PLCB1: variants seen among roughly 807,000 people sequenced by gnomAD.
The protein encoded by PLCB1 is phospholipase C beta 1, also known as 1-phosphatidylinositol 4,5-bisphosphate phosphodiesterase beta-1.
A neutral mutation model predicts 161.8 loss-of-function variants in PLCB1; 46 were observed. The observed-to-expected ratio is 0.28, with a 90% CI of 0.22 to 0.36. The LOEUF (loss-of-function observed/expected upper bound fraction) is 0.36. PLCB1 is among the 10% of genes least tolerant of loss of function. The pLI, the probability that PLCB1 is intolerant of heterozygous loss-of-function variation, is 1.00. For synonymous variants in PLCB1, 517 were observed against 503.7 expected (o/e 1.03, Z -0.35); for missense variants, 1,016 against 1,472.5 (o/e 0.69, Z 5.07).
At chr20:8,382,762 T>C (rs1987298766) in intron 3 of PLCB1, among the ~76,000 whole-genome samples, 1 of 152,138 alleles carries the variant, frequency 6.6e-6, no homozygotes, top group East Asian at 1.9e-4. Context: ...TTAGCCAGGA[T>C]GGTCTCGATC....
chr20:8,528,050 G>C (rs572956959), intron 3 of PLCB1, among the ~76,000 whole-genome samples: 76 of 152,178 alleles, frequency 5.0e-4, no homozygotes, highest in Admixed American at 3.3e-4. Context: ...TGACGTAATT[G>C]ATGATGCATC....
At chr20:8,862,890 G>A (rs1987303077) in intron 31 of PLCB1, among the ~76,000 whole-genome samples, 1 of 152,182 alleles carries the variant, frequency 6.6e-6, no homozygotes, top group Non-Finnish European at 1.5e-5. Context: ...CAGGAAACCA[G>A]CAGGGAAGTA....
intron 3 of PLCB1, among the ~76,000 whole-genome samples, chr20:8,476,416 T>C (rs78660603): frequency 5.6e-4 from 85 of 152,118 alleles, no homozygotes; most frequent in African/African-American, 2.0e-3. Context: ...TGCTCCTTGG[T>C]GTAACCTAAA....
rs749868739 is a variant in PLCB1 at position 8,790,407 on chromosome 20, GA to G, written c.3423+152del. The G allele has an allele frequency of 6.8e-6, 4 of 586,898 alleles. No individual in the cohort carries two copies. In the East Asian group the frequency reaches 9.0e-5, roughly 13 times the overall value. 36.4% of individuals were successfully genotyped at this position (586,898 alleles called of 1,614,324 possible). A position where few individuals can be genotyped will look rare whatever the true frequency, so the allele number is the denominator to read the frequency against. On this transcript the variant is annotated intron_variant, in intron 31 of 31. Transcript: ENST00000338037. ...AACTCATGTATCTTTCTCAATGAAG[GA>G]AAAAATATAGCAATATTCAGTAAGC...
intron 3 of PLCB1, among the ~76,000 whole-genome samples, chr20:8,584,853 A>T (rs1204526785): frequency 6.6e-6 from 1 of 151,674 alleles, no homozygotes; most frequent in East Asian, 1.9e-4. Flanking sequence ...ACCACACCTG[A>T]CTAATTTTTG....
chr20:8,854,408 C>T (rs941230743), intron 31 of PLCB1, among the ~76,000 whole-genome samples: 3 of 152,134 alleles, frequency 2.0e-5, no homozygotes, highest in African/African-American at 7.2e-5. Context: ...TCCAATAACA[C>T]CATGGTGTTT....
At chr20:8,639,763 G>A (rs1433874105) in intron 4 of PLCB1, among the ~76,000 whole-genome samples, 1 of 152,140 alleles carries the variant, frequency 6.6e-6, no homozygotes, top group Non-Finnish European at 1.5e-5. Context: ...GCTAGAAAAT[G>A]GTAGAATTGT....
chr20:8,330,136 A>C (rs1985311079), intron 2 of PLCB1, among the ~76,000 whole-genome samples: 2 of 152,202 alleles, frequency 1.3e-5, no homozygotes, highest in Admixed American at 1.3e-4. Flanking sequence ...AAAATGAATG[A>C]GAACAATAAC....
In PLCB1 at chr20:8,545,158, G is replaced by A. The variant is rs370443520; in HGVS notation, c.247-83136G>A. Among the ~76,000 whole-genome samples the A allele has an allele frequency of 1.4e-4, 21 of 152,270 alleles. No individual in the cohort carries two copies. The East Asian group carries it at 1.9e-3, about 14-fold the overall frequency. On this transcript the variant is annotated intron_variant, in intron 3 of 31. Transcript: ENST00000338037. ...GGGGAAAAATAAACACTTGTCTCTCGGAAACCTTCCTGAGAAAAGTGGTGT... is the reference window on the plus strand; with the variant it reads ...GGGGAAAAATAAACACTTGTCTCTCAGAAACCTTCCTGAGAAAAGTGGTGT...
chr20:8,345,269 T>C (rs1255752631), intron 2 of PLCB1, among the ~76,000 whole-genome samples: 1 of 152,172 alleles, frequency 6.6e-6, no homozygotes, highest in African/African-American at 2.4e-5. Flanking sequence ...TACTGTTTAT[T>C]CTTTTTTGTG....
intron 7 of PLCB1, chr20:8,651,324 CT>C: frequency 1.5e-6 from 1 of 655,890 alleles, no homozygotes; most frequent in South Asian, 1.7e-5. Flanking sequence ...GTTGTGAAGA[CT>C]TTTCAAAACA....
At chr20:8,608,145 T>C (rs1171206932) in intron 3 of PLCB1, among the ~76,000 whole-genome samples, 1 of 152,218 alleles carries the variant, frequency 6.6e-6, no homozygotes, top group South Asian at 2.1e-4. Context: ...TTAAAATTAA[T>C]GCATTCTGTG....
At chr20:8,670,605 T>C (rs1425043889) in intron 9 of PLCB1, among the ~76,000 whole-genome samples, 1 of 143,460 alleles carries the variant, frequency 7.0e-6, no homozygotes, top group Non-Finnish European at 1.6e-5. Context: ...CAACTTAAGA[T>C]AAAATAATAA....
intron 12 of PLCB1, among the ~76,000 whole-genome samples, chr20:8,710,183 G>T (rs1045191684): frequency 2.8e-4 from 14 of 50,138 alleles, no homozygotes; most frequent in Non-Finnish European, 4.8e-4. Context: ...AGTCCTCAGA[G>T]AGCTTTTTAC....
chr20:8,575,521 G>A (rs1180528684), intron 3 of PLCB1, among the ~76,000 whole-genome samples: 2 of 152,198 alleles, frequency 1.3e-5, no homozygotes, highest in African/African-American at 4.8e-5. Context: ...TTTGTCCTTT[G>A]AACTAGACAA....
chr20:8,444,198 C>A (rs1312532089), intron 3 of PLCB1, among the ~76,000 whole-genome samples: 1 of 151,640 alleles, frequency 6.6e-6, no homozygotes, highest in Non-Finnish European at 1.5e-5. Context: ...CCTCCCCCCA[C>A]CACATGACAG....
chr20:8,731,191 CAATT>C (rs1031200551), intron 18 of PLCB1, among the ~76,000 whole-genome samples: 39 of 151,824 alleles, frequency 2.6e-4, no homozygotes, highest in Middle Eastern at 3.4e-3. Context: ...TTTTTAAAAT[CAATT>C]AATTTATTTT....
Position 8,765,327 on chromosome 20 carries a change from G to C in PLCB1, c.2899G>C (p.Glu967Gln). The change falls in exon 26 of 32, where the codon GAA becomes CAA. Residue 967 changes from glutamate to glutamine, a missense_variant. Physicochemically the swap from Glu to Gln is conservative, Grantham distance 29 (BLOSUM62 2). Around this residue, in one of 10 missense-constraint regions of PLCB1, gnomAD observed 398 missense variants for 445.4 expected, o/e 0.89. Transcript: ENST00000338037. ...NDYLRRRAALEKSAKKDSKKK... is the reference protein window; with the variant it reads ...NDYLRRRAALQKSAKKDSKKK... The stretch of plus-strand genomic sequence containing the variant: ...CTACTTGAGAAGGAGAGCCGCTTTG[G>C]AAAAGTCCGCCAAAAAGGACAGTAA... 1.9e-6 allele frequency: 3 copies of C among 1,612,134 alleles called. No homozygotes were observed. The East Asian group carries it at 6.7e-5, about 36-fold the overall frequency.
At chr20:8,672,596 C>T (rs552229770) in intron 9 of PLCB1, among the ~76,000 whole-genome samples, 1 of 152,180 alleles carries the variant, frequency 6.6e-6, no homozygotes, top group East Asian at 1.9e-4. Flanking sequence ...GCATACCGAG[C>T]AGGGAAGAGC....
Sources: allele counts gnomAD v4.1 joint callset (sites outside exome capture counted in the v4.1 genomes callset), GRCh38; gene constraint gnomAD v4.1.1; regional missense constraint gnomAD v4.1.1; transcripts MANE v1.5; gene names NCBI Gene and HGNC (gene_info 2026-07-23, HGNC 2026-07-21).